SLCO3A1: variants seen among roughly 807,000 people sequenced by gnomAD.
SLCO3A1 encodes the protein solute carrier organic anion transporter family member 3A1.
SLCO3A1 carries 27 observed loss-of-function variants against 63.1 expected under a neutral mutation model. The ratio of observed to expected loss-of-function variants is 0.43; its 90% CI spans 0.32 to 0.59. The LOEUF (loss-of-function observed/expected upper bound fraction) is 0.59. SLCO3A1 is among the 20% of genes least tolerant of loss of function. SLCO3A1 has a pLI of 0.09. For missense variants in SLCO3A1, 773 were observed against 945.8 expected (o/e 0.82, Z 2.40); for synonymous variants, 473 against 409.9 (o/e 1.15, Z -1.86).
chr15:92,097,361 C>T (rs942555337), intron 3 of SLCO3A1, among the ~76,000 whole-genome samples: 1 of 152,214 alleles, frequency 6.6e-6, no homozygotes, highest in Non-Finnish European at 1.5e-5. Context: ...TGAAACAGCA[C>T]CTTTTCTCAG....
At chr15:92,048,921 C>A (rs955296918) in intron 2 of SLCO3A1, among the ~76,000 whole-genome samples, 3 of 152,210 alleles carry the variant, frequency 2.0e-5, no homozygotes, top group Non-Finnish European at 4.4e-5. Context: ...GAAGCAGGTT[C>A]TTTCACCAAT....
chr15:91,926,596 T>TGTGTGTGTGTGTGTGTGTGTGCGCGC, intron 2 of SLCO3A1, among the ~76,000 whole-genome samples: 65 of 105,300 alleles, frequency 6.2e-4, no homozygotes, highest in African/African-American at 2.3e-3. Flanking sequence ...TGTGTGTGTG[T>TGTGTGTGTGTGTGTGTGTGTGCGCGC]GCGCGCGCGC....
intron 2 of SLCO3A1, among the ~76,000 whole-genome samples, chr15:91,952,628 C>T (rs116753491): frequency 1.3e-5 from 2 of 152,160 alleles, no homozygotes; most frequent in African/African-American, 2.4e-5. Context: ...TGTTCAAGAT[C>T]AATGAAAGAC....
intron 1 of SLCO3A1, among the ~76,000 whole-genome samples, chr15:91,895,498 G>A (rs75488033): frequency 0.012 from 1,898 of 152,282 alleles, 41 homozygotes; most frequent in African/African-American, 0.044. Context: ...GTCATCCAGG[G>A]CTTGCATACA....
intron 1 of SLCO3A1, among the ~76,000 whole-genome samples, chr15:91,899,271 G>C (rs1226187510): frequency 2.0e-5 from 3 of 152,136 alleles, no homozygotes; most frequent in Non-Finnish European, 2.9e-5. Context: ...GTTCAGTGTG[G>C]GGGGGATGGG....
rs771141284 is a variant in SLCO3A1 at position 92,164,655 on chromosome 15, G to A, written c.*1520G>A. The A allele has an allele frequency of 9.5e-5, 94 of 985,250 alleles. No homozygotes were observed. Among genetic ancestry groups the A allele is most frequent in the East Asian group, 1.1e-4 (1 of 8,826 alleles). The allele number at this position is 985,250 out of a possible 1,614,324, so 61.0% of individuals were successfully genotyped here. ...GACCCACAAGCTCCTGGAAGCTGTC[G>A]TGTGTCCAATGCGTGAAAATGTCTG... is the stretch of plus-strand genomic sequence containing the variant. On this transcript the variant is annotated 3_prime_UTR_variant, in exon 10 of 10. Transcript: ENST00000318445.
chr15:92,019,063 G>A (rs1380427903), intron 2 of SLCO3A1, among the ~76,000 whole-genome samples: 1 of 147,026 alleles, frequency 6.8e-6, no homozygotes, highest in Non-Finnish European at 1.5e-5. Flanking sequence ...AGGTGTGTGC[G>A]TCCTGGGAGG....
chr15:91,964,736 TTAGA>T (rs1440621031), intron 2 of SLCO3A1, among the ~76,000 whole-genome samples: 1 of 150,566 alleles, frequency 6.6e-6, no homozygotes, highest in African/African-American at 2.5e-5. Flanking sequence ...TCCTTTAAAA[TTAGA>T]TAGTTTTTTT....
intron 1 of SLCO3A1, among the ~76,000 whole-genome samples, chr15:91,890,296 C>CAT (rs1337318906): frequency 9.9e-5 from 15 of 152,160 alleles, no homozygotes; most frequent in African/African-American, 3.6e-4. Flanking sequence ...CATACTCATC[C>CAT]ATTTTCATCT....
chr15:91,933,005 T>A (rs529082644), intron 2 of SLCO3A1, among the ~76,000 whole-genome samples: 1 of 152,272 alleles, frequency 6.6e-6, no homozygotes, highest in African/African-American at 2.4e-5. Context: ...ACTAAGAGAA[T>A]CTTCCCCATT....
intron 1 of SLCO3A1, among the ~76,000 whole-genome samples, chr15:91,903,267 A>C (rs898129241): frequency 1.3e-5 from 2 of 152,226 alleles, no homozygotes; most frequent in African/African-American, 4.8e-5. Context: ...CGTTGAGGCC[A>C]AAGGTTGGTC....
intron 9 of SLCO3A1, 57 bp downstream of exon 9, chr15:92,151,071 G>A (rs1292675656): frequency 2.6e-6 from 3 of 1,136,614 alleles, no homozygotes; most frequent in Non-Finnish European, 2.6e-6. Flanking sequence ...TACTAGGTGA[G>A]TAACTGTCAG....
At chr15:91,957,807 T>G (rs557269066) in intron 2 of SLCO3A1, among the ~76,000 whole-genome samples, 1 of 152,184 alleles carries the variant, frequency 6.6e-6, no homozygotes, top group Non-Finnish European at 1.5e-5. Flanking sequence ...TAATTAGATA[T>G]ATAGTTTCTG....
At chr15:92,133,409 G>A (rs1490844591) in intron 7 of SLCO3A1, among the ~76,000 whole-genome samples, 1 of 145,936 alleles carries the variant, frequency 6.9e-6, no homozygotes, top group Admixed American at 6.8e-5. Flanking sequence ...ATATAGCAGG[G>A]GTCCCCCACA....
chr15:91,938,528 G>C (rs1171930442), intron 2 of SLCO3A1, among the ~76,000 whole-genome samples: 4 of 146,722 alleles, frequency 2.7e-5, no homozygotes, highest in African/African-American at 1.0e-4. Context: ...ACAGTTACAA[G>C]ATGGTTCCTT....
chr15:92,152,930 A>G (rs372650037), intron 9 of SLCO3A1, among the ~76,000 whole-genome samples: 10 of 152,246 alleles, frequency 6.6e-5, no homozygotes, highest in South Asian at 2.1e-4. Flanking sequence ...TAAGGACTCA[A>G]TGCAACTGGC....
chr15:91,987,696 A>G (rs2046070970), intron 2 of SLCO3A1, among the ~76,000 whole-genome samples: 1 of 150,630 alleles, frequency 6.6e-6, no homozygotes, highest in South Asian at 2.1e-4. Flanking sequence ...GTGAGCTGAG[A>G]TGGCGCCACT....
chr15:91,889,016 AAAAAG>A (rs1897799692), intron 1 of SLCO3A1: 3 of 479,278 alleles, frequency 6.3e-6, no homozygotes, highest in Non-Finnish European at 9.4e-6. Context: ...TCTAAAAAAA[AAAAAG>A]AAAAGAAAAA....
intron 2 of SLCO3A1, among the ~76,000 whole-genome samples, chr15:91,992,385 T>C (rs553497328): frequency 6.6e-6 from 1 of 152,326 alleles, no homozygotes; most frequent in East Asian, 1.9e-4. Context: ...TCTAGAGTTA[T>C]TATCAGCTCT....
Sources: allele counts gnomAD v4.1 joint callset (sites outside exome capture counted in the v4.1 genomes callset), GRCh38; gene constraint gnomAD v4.1.1; transcripts MANE v1.5; gene names NCBI Gene and HGNC (gene_info 2026-07-23, HGNC 2026-07-21).